LCP1: variants seen among roughly 807,000 people sequenced by gnomAD.
LCP1 encodes the protein plastin-2.
In LCP1, 23 loss-of-function variants were observed where a neutral mutation model predicts 72.0. The observed-to-expected ratio is 0.32, with a 90% CI of 0.23 to 0.45. The LOEUF (loss-of-function observed/expected upper bound fraction) is 0.45. Ranked by LOEUF, LCP1 falls within the 20% of genes least tolerant of loss-of-function variation. The probability of loss-of-function intolerance (pLI) is 1.00; values close to 1 mark genes in which losing one functional copy is unlikely to be tolerated. For synonymous variants in LCP1, 245 were observed against 275.4 expected, an observed-to-expected ratio of 0.89 and a Z score of 1.09; for missense variants, 571 against 748.3, an observed-to-expected ratio of 0.76 and a Z score of 2.76.
intron 1 of LCP1, among the ~76,000 whole-genome samples, chr13:46,172,530 T>C (rs1021881903): frequency 6.6e-6 from 1 of 152,048 alleles, no homozygotes; most frequent in South Asian, 2.1e-4. Flanking sequence ...AAAATAGCTC[T>C]ACAAAGTGCA....
In LCP1 at chr13:46,149,742, T is replaced by C. The variant is rs543456263; in HGVS notation, c.882+1194A>G. 1.7e-3 allele frequency among the ~76,000 whole-genome samples: 263 copies of C among 152,236 alleles called. 3 individuals carry two copies. Among genetic ancestry groups the C allele is most frequent in the Non-Finnish European group, 3.4e-3 (228 of 68,016 alleles). ...CACTTCCCAAAGCACAAAATGGTGG[T>C]TCTAGAGAACACAGCCATTTAATGA... On this transcript the variant is annotated intron_variant, in intron 8 of 15. Transcript: ENST00000323076.
intron 11 of LCP1, among the ~76,000 whole-genome samples, chr13:46,144,096 A>G (rs1184869428): frequency 6.6e-6 from 1 of 152,218 alleles, no homozygotes; most frequent in Non-Finnish European, 1.5e-5. Flanking sequence ...AAAAAAAAGA[A>G]GAAAATTGCT....
chr13:46,178,619 A>G (rs1001726440), intron 1 of LCP1, among the ~76,000 whole-genome samples: 1 of 152,194 alleles, frequency 6.6e-6, no homozygotes, highest in Non-Finnish European at 1.5e-5. Flanking sequence ...ATCTGTGGAC[A>G]CTGATTAGTT....
chr13:46,157,580 A>T (rs2045810700), intron 4 of LCP1, among the ~76,000 whole-genome samples: 1 of 152,128 alleles, frequency 6.6e-6, no homozygotes, highest in African/African-American at 2.4e-5. Flanking sequence ...AGAAATCCTG[A>T]GTCATAAAAG....
intron 1 of LCP1, among the ~76,000 whole-genome samples, chr13:46,164,428 AC>A (rs1266349383): frequency 2.2e-4 from 33 of 152,356 alleles, no homozygotes; most frequent in Non-Finnish European, 2.8e-4. Context: ...TTTTTAAACC[AC>A]AGCAGGTAGG....
At chr13:46,140,639 GC>G (rs779393042) in intron 13 of LCP1, among the ~76,000 whole-genome samples, 55 of 152,022 alleles carry the variant, frequency 3.6e-4, no homozygotes, top group Non-Finnish European at 6.8e-4. Context: ...ATGCAAAGAA[GC>G]CAAAAAATAT....
intron 13 of LCP1, among the ~76,000 whole-genome samples, chr13:46,140,323 C>A (rs1010819655): frequency 6.6e-6 from 1 of 152,254 alleles, no homozygotes; most frequent in South Asian, 2.1e-4. Context: ...AAATGAGCCA[C>A]GAGAGCAATC....
At chr13:46,177,384 G>A (rs1483279991) in intron 1 of LCP1, among the ~76,000 whole-genome samples, 6 of 152,198 alleles carry the variant, frequency 3.9e-5, no homozygotes, top group Admixed American at 2.6e-4. Context: ...GCTCACGCCT[G>A]TAATCCCAGC....
rs575943247 is a variant in LCP1 at position 46,154,725 on chromosome 13, T to C, written c.573+80A>G. On this transcript the variant is annotated intron_variant, in intron 6 of 15. Transcript: ENST00000323076. ...GTTTTGCGAATGATGTCTGAGCCCC[T>C]GAAAAAGGCGGACTCAGCAGTTATG... The C allele has an allele frequency of 2.3e-3, 2,716 of 1,187,010 alleles. 11 individuals carry two copies. Among genetic ancestry groups the C allele is most frequent in the Non-Finnish European group, 2.6e-3 (2,090 of 796,680 alleles). 73.5% of individuals were successfully genotyped at this position (1,187,010 alleles called of 1,614,324 possible). A position where few individuals can be genotyped will look rare whatever the true frequency, so the allele number is the denominator to read the frequency against.
At chr13:46,159,318 G>T (rs1421059192) in intron 2 of LCP1, 6 of 527,594 alleles carry the variant, frequency 1.1e-5, no homozygotes, top group African/African-American at 9.5e-5. Context: ...TAAAATCAAG[G>T]AAACAGCAAA....
At chr13:46,130,748 T>C in intron 15 of LCP1, 66 bp downstream of exon 15, 1 of 1,590,840 alleles carries the variant, frequency 6.3e-7, no homozygotes, top group Non-Finnish European at 8.6e-7. Flanking sequence ...GCATTAGACT[T>C]TACAACCATC....
chr13:46,142,169 TG>T, intron 13 of LCP1, 122 bp downstream of exon 13: 2 of 992,880 alleles, frequency 2.0e-6, no homozygotes, highest in Non-Finnish European at 2.9e-6. Flanking sequence ...AGTGTTTCTC[TG>T]GTTATGAAGC....
At chr13:46,178,781 C>T (rs1471223710) in intron 1 of LCP1, among the ~76,000 whole-genome samples, 2 of 152,144 alleles carry the variant, frequency 1.3e-5, no homozygotes, top group Non-Finnish European at 2.9e-5. Context: ...AATAATGTCA[C>T]TCTACTATAA....
chr13:46,177,296 C>G (rs1459035165), intron 1 of LCP1, among the ~76,000 whole-genome samples: 1 of 152,190 alleles, frequency 6.6e-6, no homozygotes, highest in Admixed American at 6.5e-5. Flanking sequence ...CTATTCATGT[C>G]TATCAGTCAC....
chr13:46,156,825 CTTT>C (rs1208440641), intron 4 of LCP1, among the ~76,000 whole-genome samples: 2 of 137,432 alleles, frequency 1.5e-5, no homozygotes. Flanking sequence ...CTTTTCTTTT[CTTT>C]TTTTTTTTTT....
rs142699395 is a variant in LCP1 at position 46,180,284 on chromosome 13, T to C, written c.-25+1827A>G. ...AGGTAATGCATAAAGAGTAGCTGCT[T>C]ACACTACGTGCTCATAATTATTGAG... is the stretch of plus-strand genomic sequence containing the variant. On this transcript the variant is annotated intron_variant, in intron 1 of 15. Coordinates refer to ENST00000323076, the MANE Select transcript of LCP1 (RefSeq NM_002298.5). 3.7e-4 allele frequency among the ~76,000 whole-genome samples: 56 copies of C among 152,312 alleles called. No homozygotes were observed. The East Asian group carries it at 8.1e-3, about 22-fold the overall frequency.
At chr13:46,175,835 A>T (rs2045926645) in intron 1 of LCP1, among the ~76,000 whole-genome samples, 1 of 152,232 alleles carries the variant, frequency 6.6e-6, no homozygotes, top group Non-Finnish European at 1.5e-5. Context: ...TTAAGATGAC[A>T]AAAGAGTGCT....
At chr13:46,154,120 C>T (rs2045786140) in intron 6 of LCP1, among the ~76,000 whole-genome samples, 2 of 152,118 alleles carry the variant, frequency 1.3e-5, no homozygotes, top group South Asian at 2.1e-4. Context: ...TATATATGGT[C>T]AAGATTATGA....
intron 14 of LCP1, among the ~76,000 whole-genome samples, chr13:46,132,927 C>A (rs1226688831): frequency 6.6e-6 from 1 of 152,112 alleles, no homozygotes; most frequent in Non-Finnish European, 1.5e-5. Context: ...CCTGTTAATA[C>A]AACTCGGAAG....
Sources: allele counts gnomAD v4.1 joint callset (sites outside exome capture counted in the v4.1 genomes callset), GRCh38; gene constraint gnomAD v4.1.1; transcripts MANE v1.5; gene names NCBI Gene and HGNC (gene_info 2026-07-23, HGNC 2026-07-21).